The following TRAPPC5 variants were observed in gnomAD, a reference collection of about 807,000 sequenced individuals.
TRAPPC5 encodes the protein trafficking protein particle complex 5.
A neutral mutation model predicts 9.8 loss-of-function variants in TRAPPC5; 5 were observed. That is an observed-to-expected ratio of 0.51 (90% CI 0.27 to 1.07). TRAPPC5 has a LOEUF of 1.07. TRAPPC5 is among the 50% of genes least tolerant of loss of function. TRAPPC5 has a pLI of 0.12. For synonymous variants in TRAPPC5, 146 were observed against 140.7 expected, an observed-to-expected ratio of 1.04 and a Z score of -0.26; for missense variants, 243 against 291.5, an observed-to-expected ratio of 0.83 and a Z score of 1.21.
In TRAPPC5 at chr19:7,686,796, C is replaced by T. The variant is rs1445606573; in HGVS notation, c.*3976C>T. 1 of 151,802 alleles carries T rather than the reference C, an allele frequency of 6.6e-6. No individual in the cohort carries two copies. The highest frequency in any genetic ancestry group is 2.4e-5 in the African/African-American group (1 of 41,208). 9.4% of individuals were successfully genotyped at this position (151,802 alleles called of 1,614,324 possible). ...AAGTGCTAGGATTACAGGCGTGAGC[C>T]ACCGCACCTGGCTGGCTTTTTCTCT... On this transcript the variant is annotated 3_prime_UTR_variant, in exon 2 of 2. Coordinates refer to ENST00000596148, the MANE Select transcript of TRAPPC5 (RefSeq NM_001042462.2).
Position 7,687,368 on chromosome 19 carries a change from G to C in TRAPPC5, c.*4548G>C, listed in dbSNP as rs1047572220. The C allele has an allele frequency of 6.6e-6, 1 of 152,314 alleles. No individual in the cohort carries two copies. Among genetic ancestry groups the C allele is most frequent in the South Asian group, 2.1e-4 (1 of 4,826 alleles). 9.4% of individuals were successfully genotyped at this position (152,314 alleles called of 1,614,324 possible). A position where few individuals can be genotyped will look rare whatever the true frequency, so the allele number is the denominator to read the frequency against. On this transcript the variant is annotated 3_prime_UTR_variant, in exon 2 of 2. Coordinates refer to ENST00000596148, the MANE Select transcript of TRAPPC5 (RefSeq NM_001042462.2). ...TCCTGGCCTCCCTCCCGTGGCCTCC[G>C]GCATGGGTCGACCTTGGCCGAGCGT... is the stretch of plus-strand genomic sequence containing the variant.
At position 7,686,549 on chromosome 19, in the gene TRAPPC5, C is replaced by T. The variant is rs751283493; in HGVS notation, c.*3729C>T. On this transcript the variant is annotated 3_prime_UTR_variant, in exon 2 of 2. Transcript: ENST00000596148. ...TTATTATTATTTAGAGATGGAGTCT[C>T]ACTCTGTCGCCCAGGCTGGAGTGCA... 6.6e-6 allele frequency: 1 copy of T among 152,188 alleles called. No individual in the cohort carries two copies. Among genetic ancestry groups the T allele is most frequent in the Non-Finnish European group, 1.5e-5 (1 of 68,092 alleles). 9.4% of individuals were successfully genotyped at this position (152,188 alleles called of 1,614,324 possible).
rs991452515 is a variant in TRAPPC5, at chr19:7,681,061, G to A, written c.-13+183G>A. 5 of 151,654 alleles carry A rather than the reference G, an allele frequency of 3.3e-5. No individual in the cohort carries two copies. Among genetic ancestry groups the A allele is most frequent in the African/African-American group, 1.2e-4 (5 of 41,256 alleles). 9.4% of individuals were successfully genotyped at this position (151,654 alleles called of 1,614,324 possible). On this transcript the variant is annotated intron_variant, in intron 1 of 1. Coordinates refer to ENST00000596148, the MANE Select transcript of TRAPPC5 (RefSeq NM_001042462.2). This position sits in a 1 kb window ranked among gnomAD's most constrained non-coding sequence, Gnocchi z 8.7. The stretch of plus-strand genomic sequence containing the variant: ...TCCCCAGTGTAGAGGTACGGGGCGA[G>A]GGTCGCGGGGCCCTGACCCTACGGC...
chr19:7,682,505 C>G lies in TRAPPC5; in HGVS notation c.252C>G (p.Gly84=), dbSNP rs373311467. 501 of 1,612,928 alleles carry G rather than the reference C, an allele frequency of 3.1e-4. No homozygotes were observed. The highest frequency in any genetic ancestry group is 4.0e-4 in the Non-Finnish European group (475 of 1,179,938). The change falls in exon 2 of 2, where the codon GGC becomes GGG. Residue 84 remains glycine (G), a synonymous_variant. Coordinates refer to ENST00000596148, the MANE Select transcript of TRAPPC5 (RefSeq NM_001042462.2). The surrounding 1 kb of genome is among the most constrained non-coding windows in gnomAD (Gnocchi z 8.6). Reference sequence around the variant, plus strand: ...CCCGGCGTGAGACCAAGGTGCTAGGCGCGTTGCTCTTCGTCAAGGGCGCCG... The same window carrying G: ...CCCGGCGTGAGACCAAGGTGCTAGGGGCGTTGCTCTTCGTCAAGGGCGCCG... ...KGARRETKVL[G]ALLFVKGAVW...
rs2032666246 is a variant in TRAPPC5 at position 7,682,786 on chromosome 19, T to C, written c.533T>C (p.Val178Ala). ...TTLMIKFEEA[V>A]IARDRALEGR ...CTCATGATCAAGTTCGAGGAGGCAG[T>C]CATCGCTCGAGACCGGGCCCTGGAG... Residue 178 changes from valine to alanine, a missense_variant, in exon 2 of 2, where the codon GTC becomes GCC. Around this residue, in one of 2 missense-constraint regions of TRAPPC5, gnomAD observed 154 missense variants for 215.8 expected, o/e 0.71. Transcript: ENST00000596148. The surrounding 1 kb of genome is among the most constrained non-coding windows in gnomAD (Gnocchi z 8.6). 6.2e-7 allele frequency: 1 copy of C among 1,608,438 alleles called. No homozygotes were observed. Among genetic ancestry groups the C allele is most frequent in the South Asian group, 1.1e-5 (1 of 90,258 alleles).
In TRAPPC5 at chr19:7,682,269, AC is replaced by A; in HGVS notation, c.17del (p.Thr6SerfsTer19). 7.1e-7 allele frequency: 1 copy of A among 1,406,190 alleles called. No individual in the cohort carries two copies. The highest frequency in any genetic ancestry group is 9.2e-7 in the Non-Finnish European group (1 of 1,086,744). 87.1% of individuals were successfully genotyped at this position (1,406,190 alleles called of 1,614,324 possible). On this transcript the variant is annotated frameshift_variant, in exon 2 of 2. Transcript: ENST00000596148. LOFTEE classifies it high-confidence loss of function. The surrounding 1 kb of genome is among the most constrained non-coding windows in gnomAD (Gnocchi z 8.6). MEARF[T>X]RGKSALLERA... ...TGGCGGCGGCATGGAGGCGCGCTTC[AC>A]GCGCGGGAAGTCGGCGCTGCTGGAG...
In TRAPPC5 at chr19:7,681,952, G is replaced by T. The variant is rs1026126233; in HGVS notation, c.-12-290G>T. Among the ~76,000 whole-genome samples the T allele has an allele frequency of 6.6e-6, 1 of 152,048 alleles. No individual in the cohort carries two copies. The highest frequency in any genetic ancestry group is 2.4e-5 in the African/African-American group (1 of 41,408). On this transcript the variant is annotated intron_variant, in intron 1 of 1. Transcript: ENST00000596148. This position sits in a 1 kb window ranked among gnomAD's most constrained non-coding sequence, Gnocchi z 8.7. ...CATGCCCGAGGGTTGGGTGGTTTCGGCCTCCTCTTCTGTTCCCCCTCGTGT... is the reference window on the plus strand; with the variant it reads ...CATGCCCGAGGGTTGGGTGGTTTCGTCCTCCTCTTCTGTTCCCCCTCGTGT...
chr19:7,683,016 T>C lies in TRAPPC5; in HGVS notation c.*196T>C. ...TTGGGGGGTTGAGTGAGACCAGGAGTGGTGGGGAGAAATAAACCCGGCAAA... is the reference window on the plus strand; with the variant it reads ...TTGGGGGGTTGAGTGAGACCAGGAGCGGTGGGGAGAAATAAACCCGGCAAA... On this transcript the variant is annotated 3_prime_UTR_variant, in exon 2 of 2. Coordinates refer to ENST00000596148, the MANE Select transcript of TRAPPC5 (RefSeq NM_001042462.2). 3.4e-6 allele frequency: 2 copies of C among 593,172 alleles called. No individual in the cohort carries two copies. Among genetic ancestry groups the C allele is most frequent in the Non-Finnish European group, 5.8e-6 (2 of 342,314 alleles). The allele number at this position is 593,172 out of a possible 1,614,324, so 36.7% of individuals were successfully genotyped here. A position where few individuals can be genotyped will look rare whatever the true frequency, so the allele number is the denominator to read the frequency against.
Position 7,687,658 on chromosome 19 carries a change from C to T in TRAPPC5, c.*4838C>T, listed in dbSNP as rs190651832. On this transcript the variant is annotated 3_prime_UTR_variant, in exon 2 of 2. Transcript: ENST00000596148. ...AGAGGCTTCATGTCCTGCACATTCT[C>T]CGTGTCATAGAGCAGGAAAAAATAA... 6.6e-6 allele frequency: 1 copy of T among 152,330 alleles called. No individual in the cohort carries two copies. Among genetic ancestry groups the T allele is most frequent in the Non-Finnish European group, 1.5e-5 (1 of 68,026 alleles). The allele number at this position is 152,330 out of a possible 1,614,324, so 9.4% of individuals were successfully genotyped here.
At position 7,681,951 on chromosome 19, in the gene TRAPPC5, G is replaced by A. The variant is rs1323190833; in HGVS notation, c.-12-291G>A. ...GCATGCCCGAGGGTTGGGTGGTTTC[G>A]GCCTCCTCTTCTGTTCCCCCTCGTG... On this transcript the variant is annotated intron_variant, in intron 1 of 1. Transcript: ENST00000596148. This position sits in a 1 kb window ranked among gnomAD's most constrained non-coding sequence, Gnocchi z 8.7. Among the ~76,000 whole-genome samples, 1 of 152,032 alleles carries A rather than the reference G, an allele frequency of 6.6e-6. No individual in the cohort carries two copies. The highest frequency in any genetic ancestry group is 6.5e-5 in the Admixed American group (1 of 15,270).
Position 7,684,415 on chromosome 19 carries a change from C to T in TRAPPC5, c.*1595C>T, listed in dbSNP as rs777586689. ...AGAAAACATTAGCCGGGTGTGGTGG[C>T]ACATGCCTGTAATCCCAGCTACTTG... On this transcript the variant is annotated 3_prime_UTR_variant, in exon 2 of 2. Transcript: ENST00000596148. The T allele has an allele frequency of 6.6e-6, 1 of 152,248 alleles. No homozygotes were observed. Among genetic ancestry groups the T allele is most frequent in the Non-Finnish European group, 1.5e-5 (1 of 68,082 alleles). The allele number at this position is 152,248 out of a possible 1,614,324, so 9.4% of individuals were successfully genotyped here.
rs1810787351 is a variant in TRAPPC5 at position 7,682,847 on chromosome 19, A to T, written c.*27A>T. The stretch of plus-strand genomic sequence containing the variant: ...CCTGCCGGAGATAAAGGATACAGAG[A>T]GCCCCTCCCCACGTGTGTCTTGTGT... On this transcript the variant is annotated 3_prime_UTR_variant, in exon 2 of 2. Coordinates refer to ENST00000596148, the MANE Select transcript of TRAPPC5 (RefSeq NM_001042462.2). This position sits in a 1 kb window ranked among gnomAD's most constrained non-coding sequence, Gnocchi z 8.6. 2 of 1,542,878 alleles carry T rather than the reference A, an allele frequency of 1.3e-6. No homozygotes were observed. Among genetic ancestry groups the T allele is most frequent in the Non-Finnish European group, 1.8e-6 (2 of 1,139,798 alleles).
rs1205944111 is a variant in TRAPPC5, at chr19:7,682,647, AAGG to A, written c.397_399del (p.Glu133del). 4 of 1,613,880 alleles carry A rather than the reference AAGG, an allele frequency of 2.5e-6. No homozygotes were observed. The highest frequency in any genetic ancestry group is 1.1e-5 in the South Asian group (1 of 91,080). ...CATCAACACCTACATCTCCGTGCCC[AAGG>A]AGAACAGCACGCTCAACTGCGCCAG... On this transcript the variant is annotated inframe_deletion, in exon 2 of 2. Coordinates refer to ENST00000596148, the MANE Select transcript of TRAPPC5 (RefSeq NM_001042462.2). This position sits in a 1 kb window ranked among gnomAD's most constrained non-coding sequence, Gnocchi z 8.6.
In TRAPPC5 at chr19:7,682,667, C is replaced by A; in HGVS notation, c.414C>A (p.Asn138Lys). The A allele has an allele frequency of 6.2e-7, 1 of 1,613,946 alleles. No individual in the cohort carries two copies. Among genetic ancestry groups the A allele is most frequent in the African/African-American group, 1.3e-5 (1 of 75,068 alleles). The change falls in exon 2 of 2, where the codon AAC becomes AAA. Residue 138 changes from asparagine (N) to lysine (K), a missense_variant. Coordinates refer to ENST00000596148, the MANE Select transcript of TRAPPC5 (RefSeq NM_001042462.2). This position sits in a 1 kb window ranked among gnomAD's most constrained non-coding sequence, Gnocchi z 8.6. Reference sequence around the variant, plus strand: ...TGCCCAAGGAGAACAGCACGCTCAACTGCGCCAGCTTCACGGCGGGCATCG... The same window carrying A: ...TGCCCAAGGAGAACAGCACGCTCAAATGCGCCAGCTTCACGGCGGGCATCG... Reference protein sequence around the residue: ...ISVPKENSTLNCASFTAGIVE... With the variant: ...ISVPKENSTLKCASFTAGIVE...
chr19:7,685,277 G>C lies in TRAPPC5; in HGVS notation c.*2457G>C, dbSNP rs1174720766. 6.7e-6 allele frequency: 1 copy of C among 150,356 alleles called. No homozygotes were observed. The highest frequency in any genetic ancestry group is 1.5e-5 in the Non-Finnish European group (1 of 67,492). 9.3% of individuals were successfully genotyped at this position (150,356 alleles called of 1,614,324 possible). On this transcript the variant is annotated 3_prime_UTR_variant, in exon 2 of 2. Coordinates refer to ENST00000596148, the MANE Select transcript of TRAPPC5 (RefSeq NM_001042462.2). ...CAGAGTGAGACCCTGTCTTAAAAAA[G>C]AAAAAAAAAGTAATGTATTACACCT...
In TRAPPC5 at chr19:7,681,513, C is replaced by T. The variant is rs2146257631; in HGVS notation, c.-13+635C>T. Among the ~76,000 whole-genome samples the T allele has an allele frequency of 6.6e-6, 1 of 152,204 alleles. No homozygotes were observed. The highest frequency in any genetic ancestry group is 2.4e-5 in the African/African-American group (1 of 41,516). On this transcript the variant is annotated intron_variant, in intron 1 of 1. Transcript: ENST00000596148. The surrounding 1 kb of genome is among the most constrained non-coding windows in gnomAD (Gnocchi z 8.7). ...GGGCCCCTCCTCCCAGCCTTCAGAA[C>T]CCAGGCCCATCCGCGTCTCAAAGGA...
rs1287420541 is a variant in TRAPPC5 at position 7,684,689 on chromosome 19, T to C, written c.*1869T>C. On this transcript the variant is annotated 3_prime_UTR_variant, in exon 2 of 2. Coordinates refer to ENST00000596148, the MANE Select transcript of TRAPPC5 (RefSeq NM_001042462.2). Reference sequence around the variant, plus strand: ...CCTGTCTCTACTAAAAATACAAAAATTAGCTGGGCATGGAGGTGCATTCCT... The same window carrying C: ...CCTGTCTCTACTAAAAATACAAAAACTAGCTGGGCATGGAGGTGCATTCCT... 6.6e-6 allele frequency: 1 copy of C among 152,100 alleles called. No homozygotes were observed. The highest frequency in any genetic ancestry group is 1.5e-5 in the Non-Finnish European group (1 of 68,026). 9.4% of individuals were successfully genotyped at this position (152,100 alleles called of 1,614,324 possible).
chr19:7,684,307 A>T lies in TRAPPC5; in HGVS notation c.*1487A>T, dbSNP rs2032690866. The T allele has an allele frequency of 1.3e-5, 2 of 152,282 alleles. No homozygotes were observed. Among genetic ancestry groups the T allele is most frequent in the East Asian group, 3.9e-4 (2 of 5,176 alleles). The allele number at this position is 152,282 out of a possible 1,614,324, so 9.4% of individuals were successfully genotyped here. On this transcript the variant is annotated 3_prime_UTR_variant, in exon 2 of 2. Coordinates refer to ENST00000596148, the MANE Select transcript of TRAPPC5 (RefSeq NM_001042462.2). The stretch of plus-strand genomic sequence containing the variant: ...ACGCCTGTAATCCCAGCACTTTGGG[A>T]GGCTGAGGCAGGTGGATCACCTGAA...
rs1886636524 is a variant in TRAPPC5 at position 7,686,429 on chromosome 19, GC to G, written c.*3612del. 1 of 152,606 alleles carries G rather than the reference GC, an allele frequency of 6.6e-6. No homozygotes were observed. The highest frequency in any genetic ancestry group is 6.5e-5 in the Admixed American group (1 of 15,278). The allele number at this position is 152,606 out of a possible 1,614,324, so 9.5% of individuals were successfully genotyped here. On this transcript the variant is annotated 3_prime_UTR_variant, in exon 2 of 2. Transcript: ENST00000596148. Reference sequence around the variant, plus strand: ...GAGGAGGAGGAGGAGCCAGGCACCAGCCCTTGGTGAGCTGGGCAAGCAGCAT... The same window carrying G: ...GAGGAGGAGGAGGAGCCAGGCACCAGCCTTGGTGAGCTGGGCAAGCAGCAT...
Sources: allele counts gnomAD v4.1 joint callset (sites outside exome capture counted in the v4.1 genomes callset), GRCh38; gene constraint gnomAD v4.1.1; regional missense constraint gnomAD v4.1.1; non-coding constraint Gnocchi (gnomAD v3.1); transcripts MANE v1.5; gene names NCBI Gene and HGNC (gene_info 2026-07-23, HGNC 2026-07-21).